Variants in MAST4 observed in about 807,000 individuals in gnomAD.
MAST4 encodes microtubule associated serine/threonine kinase family member 4.
Under a neutral mutation model 162.7 loss-of-function variants are expected in MAST4, and 89 were observed. That is an observed-to-expected ratio of 0.55 (90% confidence interval 0.46 to 0.65). The LOEUF is 0.65. Ranked by LOEUF, MAST4 falls within the 30% of genes least tolerant of loss-of-function variation. MAST4 has a pLI of 0.00. For synonymous variants in MAST4, 1,479 were observed against 1,361.1 expected (o/e 1.09, Z -1.91); for missense variants, 3,153 against 3,374.0 (o/e 0.93, Z 1.62).
chr5:66,705,860 A>G (rs551270052), intron 1 of MAST4, among the ~76,000 whole-genome samples: 10 of 152,288 alleles, frequency 6.6e-5, no homozygotes, highest in African/African-American at 2.4e-4. Flanking sequence ...GTTTGATGGT[A>G]TGTATGTTAT....
At chr5:66,749,055 C>T (rs141234860) in intron 1 of MAST4, among the ~76,000 whole-genome samples, 235 of 152,042 alleles carry the variant, frequency 1.5e-3, no homozygotes, top group African/African-American at 5.5e-3. Flanking sequence ...AGAGGTGTCA[C>T]TCAGGAGGGC....
At chr5:66,915,744 G>C (rs1372065106) in intron 4 of MAST4, among the ~76,000 whole-genome samples, 1 of 152,060 alleles carries the variant, frequency 6.6e-6, no homozygotes, top group African/African-American at 2.4e-5. Context: ...GCACTGGGGG[G>C]CTAGTCCTGA....
intron 4 of MAST4, among the ~76,000 whole-genome samples, chr5:66,950,104 C>T (rs1270018259): frequency 6.6e-6 from 1 of 152,046 alleles, no homozygotes; most frequent in Non-Finnish European, 1.5e-5. Context: ...ACTACCTCAC[C>T]CCACCCTACC....
At chr5:66,676,077 G>A (rs1747927533) in intron 1 of MAST4, among the ~76,000 whole-genome samples, 1 of 152,182 alleles carries the variant, frequency 6.6e-6, no homozygotes, top group Non-Finnish European at 1.5e-5. Flanking sequence ...ACTCAAGAAT[G>A]CTTTTTTGGG....
At chr5:66,960,606 A>T (rs555345701) in intron 4 of MAST4, among the ~76,000 whole-genome samples, 12 of 152,238 alleles carry the variant, frequency 7.9e-5, no homozygotes, top group African/African-American at 2.9e-4. Flanking sequence ...CTGTGTTTAA[A>T]ACCCAGGGGC....
chr5:66,846,958 A>G (rs760437286), intron 3 of MAST4, among the ~76,000 whole-genome samples: 29 of 151,914 alleles, frequency 1.9e-4, no homozygotes, highest in Non-Finnish European at 3.2e-4. Context: ...GGTGGTGTCT[A>G]CCTCCCTGGC....
intron 3 of MAST4, among the ~76,000 whole-genome samples, chr5:66,820,067 GC>G (rs942334513): frequency 1.3e-5 from 2 of 150,302 alleles, no homozygotes; most frequent in African/African-American, 4.9e-5. Context: ...CAATCCACCT[GC>G]CTCAGCCCCT....
At chr5:66,739,066 C>A (rs40034) in intron 1 of MAST4, among the ~76,000 whole-genome samples, 20,196 of 151,668 alleles carry the variant, frequency 0.13, 1,385 homozygotes, top group East Asian at 0.27. Flanking sequence ...TATTATCAAG[C>A]AAAAAAGGCC....
chr5:66,699,709 A>G (rs1264579834), intron 1 of MAST4, among the ~76,000 whole-genome samples: 1 of 146,426 alleles, frequency 6.8e-6, no homozygotes, highest in Admixed American at 6.8e-5. Flanking sequence ...GAGCTGAACA[A>G]TGAGAACACA....
At chr5:66,773,520 T>C (rs1754450481) in intron 2 of MAST4, among the ~76,000 whole-genome samples, 1 of 152,212 alleles carries the variant, frequency 6.6e-6, no homozygotes, top group Non-Finnish European at 1.5e-5. Flanking sequence ...TGAGTAAGAA[T>C]AGAGGGGGAA....
At chr5:66,953,288 G>A (rs1317884362) in intron 4 of MAST4, among the ~76,000 whole-genome samples, 1 of 152,108 alleles carries the variant, frequency 6.6e-6, no homozygotes, top group Non-Finnish European at 1.5e-5. Context: ...ATTGCATTGG[G>A]GAGATCTGTC....
chr5:66,961,278 T>C (rs1478550089), intron 4 of MAST4, among the ~76,000 whole-genome samples: 2 of 152,252 alleles, frequency 1.3e-5, no homozygotes, highest in East Asian at 1.9e-4. Context: ...TGTATATAAA[T>C]TTAATTATCT....
chr5:66,665,945 G>A (rs1747227980), intron 1 of MAST4, among the ~76,000 whole-genome samples: 1 of 152,214 alleles, frequency 6.6e-6, no homozygotes, highest in African/African-American at 2.4e-5. Context: ...CCTATTGGAA[G>A]TAGAAGAGTA....
At chr5:66,703,112 C>T (rs1033228392) in intron 1 of MAST4, among the ~76,000 whole-genome samples, 6 of 152,190 alleles carry the variant, frequency 3.9e-5, no homozygotes, top group Admixed American at 2.6e-4. Context: ...ACTGCTAGTG[C>T]ATTCTCCATC....
rs1752678980 is a variant in MAST4, at chr5:67,011,584, A to G, written c.675-42820A>G. 2.6e-5 allele frequency among the ~76,000 whole-genome samples: 4 copies of G among 152,178 alleles called. No individual in the cohort carries two copies. In the South Asian group the frequency reaches 6.2e-4, roughly 24 times the overall value. On this transcript the variant is annotated intron_variant, in intron 4 of 28. Transcript: ENST00000403625. ...TGACCGCCTCTCCCCCAGCCTGGTC[A>G]GGGATACCCCTAGAGCAGAGGAGAA...
intron 1 of MAST4, among the ~76,000 whole-genome samples, chr5:66,682,433 G>A (rs935577033): frequency 3.9e-5 from 6 of 152,222 alleles, no homozygotes; most frequent in South Asian, 4.1e-4. Context: ...AGTGAATTGC[G>A]TCAACAGCTG....
At chr5:67,005,562 G>A (rs112670213) in intron 4 of MAST4, among the ~76,000 whole-genome samples, 2,585 of 152,060 alleles carry the variant, frequency 0.017, 86 homozygotes, top group African/African-American at 0.06. Context: ...TATCTGTGGA[G>A]AGGCAGATCT....
chr5:67,100,300 G>T (rs114794787), intron 7 of MAST4, 135 bp from the exon 8 acceptor site: 16 of 825,388 alleles, frequency 1.9e-5, no homozygotes, highest in Non-Finnish European at 2.8e-5. Flanking sequence ...TTAGGCAGTC[G>T]TTCTTATAAC....
chr5:67,105,435 A>T (rs925119773), intron 10 of MAST4, among the ~76,000 whole-genome samples: 1 of 152,190 alleles, frequency 6.6e-6, no homozygotes, highest in Non-Finnish European at 1.5e-5. Flanking sequence ...AGCTGGCGAG[A>T]TAAGATCCTT....
Sources: gnomAD v4.1 joint callset for allele counts (sites outside exome capture counted in the v4.1 genomes callset) on GRCh38, gnomAD v4.1.1 for gene constraint, MANE v1.5 for transcripts, NCBI Gene and HGNC (gene_info 2026-07-23, HGNC 2026-07-21) for gene names.